MATCAP1: variants seen among roughly 807,000 people sequenced by gnomAD.
MATCAP1 encodes the protein microtubule-associated tyrosine carboxypeptidase 1.
At chr16:67,178,951 A>G in the MATCAP1 span, 2 of 415,640 alleles carry the variant, frequency 4.8e-6, no homozygotes, top group East Asian at 6.6e-5. Context: ...AGAGGGACAG[A>G]CAGATAGGAA....
At chr16:67,181,048 C>G in the MATCAP1 span, among the ~76,000 whole-genome samples, 1 of 152,160 alleles carries the variant, frequency 6.6e-6, no homozygotes, top group Non-Finnish European at 1.5e-5. Context: ...TTTTAAACAC[C>G]CACCTAGGTG....
the MATCAP1 span, among the ~76,000 whole-genome samples, chr16:67,182,725 TG>T: frequency 6.6e-6 from 1 of 152,210 alleles, no homozygotes; most frequent in African/African-American, 2.4e-5. Context: ...TATAATGGCA[TG>T]GGTCACTCTC....
the MATCAP1 span, chr16:67,180,573 G>C: frequency 1.3e-6 from 2 of 1,525,722 alleles, no homozygotes; most frequent in South Asian, 1.3e-5. Context: ...GCTGGGGGGT[G>C]CCTGATCATA....
the MATCAP1 span, chr16:67,178,018 G>T: frequency 5.7e-5 from 92 of 1,613,954 alleles, no homozygotes; most frequent in Non-Finnish European, 7.5e-5. Context: ...ACCTTGCCCA[G>T]TGAGGTCAGC....
At chr16:67,178,185 G>A in the MATCAP1 span, 48 of 756,640 alleles carry the variant, frequency 6.3e-5, 1 homozygote, top group Admixed American at 3.5e-4. Flanking sequence ...CACCTCCCCC[G>A]CGCTGGCGCA....
At chr16:67,178,617 C>A in the MATCAP1 span, 1 of 932,402 alleles carries the variant, frequency 1.1e-6, no homozygotes, top group Non-Finnish European at 1.7e-6. Context: ...ACACTTCCAT[C>A]CTCATGCTCC....
At chr16:67,180,502 G>A in the MATCAP1 span, 20 of 1,584,484 alleles carry the variant, frequency 1.3e-5, no homozygotes, top group South Asian at 2.2e-4. Context: ...GGGTACAGTG[G>A]TGGCCCATCT....
At chr16:67,183,086 C>A in the MATCAP1 span, among the ~76,000 whole-genome samples, 1 of 152,132 alleles carries the variant, frequency 6.6e-6, no homozygotes, top group African/African-American at 2.4e-5. Flanking sequence ...ATCTAGACTT[C>A]ATCTTCCCCC....
the MATCAP1 span, among the ~76,000 whole-genome samples, chr16:67,181,885 A>G: frequency 6.6e-6 from 1 of 152,086 alleles, no homozygotes; most frequent in Admixed American, 6.6e-5. Flanking sequence ...ACTCCATCCA[A>G]ATTGATCTGA....
chr16:67,179,820 C>T, the MATCAP1 span: 1 of 1,614,200 alleles, frequency 6.2e-7, no homozygotes, highest in African/African-American at 1.3e-5. This position sits in a 1 kb window ranked among gnomAD's most constrained non-coding sequence, Gnocchi z 5.2. Flanking sequence ...CTCACCTCCC[C>T]AGCGCAGCCC....
chr16:67,178,309 A>G, the MATCAP1 span: 2 of 1,582,744 alleles, frequency 1.3e-6, no homozygotes, highest in African/African-American at 1.3e-5. Context: ...ACGGAAGGAC[A>G]TGCGCGCGGC....
the MATCAP1 span, chr16:67,179,993 G>T: frequency 1.2e-6 from 2 of 1,613,310 alleles, no homozygotes; most frequent in African/African-American, 2.7e-5. This position sits in a 1 kb window ranked among gnomAD's most constrained non-coding sequence, Gnocchi z 5.2. Flanking sequence ...GTCAGGACAA[G>T]CCCCTTGGGT....
chr16:67,179,265 G>C, the MATCAP1 span: 21 of 1,468,886 alleles, frequency 1.4e-5, 1 homozygote, highest in Middle Eastern at 1.8e-3. This position sits in a 1 kb window ranked among gnomAD's most constrained non-coding sequence, Gnocchi z 5.2. Flanking sequence ...GCCTACCTCT[G>C]TAAGCAGAGG....
chr16:67,176,053 CAGTGTG>C, the MATCAP1 span: 13 of 120,560 alleles, frequency 1.1e-4, no homozygotes, highest in South Asian at 2.5e-3. The surrounding 1 kb of genome is among the most constrained non-coding windows in gnomAD (Gnocchi z 4.3). Context: ...AGGCCTGAAT[CAGTGTG>C]TGTGTGTGTG....
chr16:67,181,273 C>T, the MATCAP1 span, among the ~76,000 whole-genome samples: 1 of 152,242 alleles, frequency 6.6e-6, no homozygotes, highest in Non-Finnish European at 1.5e-5. Flanking sequence ...CCTGGCTTTA[C>T]CCATATCCTC....
chr16:67,180,730 C>CAGGGCCTG, the MATCAP1 span: 1 of 614,048 alleles, frequency 1.6e-6, no homozygotes, highest in Non-Finnish European at 2.6e-6. Flanking sequence ...ACCAGCAGGC[C>CAGGGCCTG]CTGTACTCCA....
chr16:67,176,940 A>G, the MATCAP1 span: 3 of 1,596,216 alleles, frequency 1.9e-6, no homozygotes, highest in South Asian at 1.1e-5. This position sits in a 1 kb window ranked among gnomAD's most constrained non-coding sequence, Gnocchi z 4.3. Flanking sequence ...CCAGCACCCC[A>G]TGGGGCCGCA....
chr16:67,176,053 CAGTGTGTGTGTGTGTGTGTGTG>C, the MATCAP1 span: 1 of 120,560 alleles, frequency 8.3e-6, no homozygotes, highest in South Asian at 2.8e-4. This position sits in a 1 kb window ranked among gnomAD's most constrained non-coding sequence, Gnocchi z 4.3. Flanking sequence ...AGGCCTGAAT[CAGTGTGTGTGTGTGTGTGTGTG>C]TGTGTGTGTG....
the MATCAP1 span, chr16:67,177,127 T>C: frequency 1.8e-6 from 1 of 570,784 alleles, no homozygotes; most frequent in East Asian, 3.4e-5. Flanking sequence ...TTTATACCTC[T>C]AGACTCAATC....
Sources: allele counts gnomAD v4.1 joint callset (sites outside exome capture counted in the v4.1 genomes callset), GRCh38; gene constraint gnomAD v4.1.1; non-coding constraint Gnocchi (gnomAD v3.1); transcripts MANE v1.5; gene names NCBI Gene and HGNC (gene_info 2026-07-23, HGNC 2026-07-21).